Variants in SAXO1 observed in about 807,000 individuals in gnomAD.
The protein encoded by SAXO1 is stabilizer of axonemal microtubules 1, also known as 4930500O09Rik.
Under a neutral mutation model 17.5 loss-of-function variants are expected in SAXO1, and 21 were observed. The ratio of observed to expected loss-of-function variants is 1.20; its 90% confidence interval spans 0.85 to 1.72. The LOEUF is 1.72. Among genes scored for constraint, SAXO1 ranks in the 40% most tolerant of loss-of-function variants. The pLI is 0.00. For missense variants in SAXO1, 843 were observed against 596.0 expected (o/e 1.41, Z -4.32); for synonymous variants, 274 against 216.5 (o/e 1.27, Z -2.33).
rs142175675 is a variant in SAXO1 at position 19,008,243 on chromosome 9, G to T, written c.38+24628C>A. Among the ~76,000 whole-genome samples the T allele has an allele frequency of 4.9e-3, 744 of 152,256 alleles. 36 individuals are homozygous for T. In the East Asian group the frequency reaches 0.12, roughly 24 times the overall value. On this transcript the variant is annotated intron_variant, in intron 1 of 3. Coordinates refer to ENST00000380534, the MANE Select transcript of SAXO1 (RefSeq NM_153707.4). ...TCTGCCCACTTTGGCCTCTCAAAGT[G>T]CTGGGATTACAGGCCTGAGCCACCA...
intron 1 of SAXO1, among the ~76,000 whole-genome samples, chr9:19,043,374 C>T (rs887318081): frequency 6.6e-6 from 1 of 152,042 alleles, no homozygotes; most frequent in African/African-American, 2.4e-5. Context: ...ACACAGAGAG[C>T]AGAAGAATGG....
chr9:19,009,683 AC>A lies in SAXO1; in HGVS notation c.38+23187del, dbSNP rs559099570. 7.8e-4 allele frequency among the ~76,000 whole-genome samples: 119 copies of A among 152,302 alleles called. 2 individuals carry two copies. The Middle Eastern group carries it at 0.014, about 17-fold the overall frequency. ...TTCCCCAAGTGGAAGCACTCTGCCT[AC>A]TAAAACAGCTGTGAGAAATCCTGAC... is the stretch of plus-strand genomic sequence containing the variant. On this transcript the variant is annotated intron_variant, in intron 1 of 3. Coordinates refer to ENST00000380534, the MANE Select transcript of SAXO1 (RefSeq NM_153707.4).
Position 19,033,032 on chromosome 9 carries a change from TC to T in SAXO1, c.-125del, listed in dbSNP as rs1187734201. 3.8e-6 allele frequency: 4 copies of T among 1,044,642 alleles called. No homozygotes were observed. In the African/African-American group the frequency reaches 6.5e-5, roughly 17 times the overall value. 64.7% of individuals were successfully genotyped at this position (1,044,642 alleles called of 1,614,324 possible). ...GGGTCTTGGCAGGTGTTCTGTTTACTCGAAGGAAAATTTAAGTGGCCCTTTT... is the reference window on the plus strand; with the variant it reads ...GGGTCTTGGCAGGTGTTCTGTTTACTGAAGGAAAATTTAAGTGGCCCTTTT... On this transcript the variant is annotated 5_prime_UTR_variant, in exon 1 of 4. Coordinates refer to ENST00000380534, the MANE Select transcript of SAXO1 (RefSeq NM_153707.4).
intron 3 of SAXO1, among the ~76,000 whole-genome samples, chr9:18,937,690 C>T (rs1427941242): frequency 6.6e-6 from 1 of 152,032 alleles, no homozygotes; most frequent in African/African-American, 2.4e-5. Flanking sequence ...AGCCAAGGCC[C>T]TTTTTTCCTT....
At chr9:19,014,101 A>G (rs1012554294) in intron 1 of SAXO1, among the ~76,000 whole-genome samples, 2 of 152,162 alleles carry the variant, frequency 1.3e-5, no homozygotes, top group African/African-American at 4.8e-5. Context: ...CTGGAAAGGT[A>G]GAGTAGGGGC....
chr9:18,953,108 C>G (rs746016453), intron 1 of SAXO1, among the ~76,000 whole-genome samples: 6 of 152,162 alleles, frequency 3.9e-5, no homozygotes, highest in Non-Finnish European at 8.8e-5. Context: ...AACCTCAGAT[C>G]GAAAGCCAAG....
intron 3 of SAXO1, among the ~76,000 whole-genome samples, chr9:18,932,095 C>T (rs889892237): frequency 5.3e-5 from 8 of 152,202 alleles, no homozygotes; most frequent in African/African-American, 1.2e-4. Flanking sequence ...ATAAATCATG[C>T]TTTTGATGCC....
intron 1 of SAXO1, among the ~76,000 whole-genome samples, chr9:19,028,733 T>C (rs1383028962): frequency 6.6e-6 from 1 of 152,206 alleles, no homozygotes; most frequent in Non-Finnish European, 1.5e-5. Context: ...AGCCTTGAGC[T>C]TGACGCAGTA....
At chr9:19,033,510 C>T (rs1215462136), upstream of SAXO1, among the ~76,000 whole-genome samples, 2 of 152,238 alleles carry the variant, frequency 1.3e-5, no homozygotes, top group African/African-American at 2.4e-5. Context: ...CATGGTGCCC[C>T]CTCTTAGGGG....
intron 3 of SAXO1, among the ~76,000 whole-genome samples, chr9:18,937,153 G>T (rs961492988): frequency 1.3e-5 from 2 of 152,236 alleles, no homozygotes; most frequent in Non-Finnish European, 2.9e-5. Flanking sequence ...CACCCAAGGG[G>T]TGATACACCA....
At chr9:18,990,700 A>G (rs549980568) in intron 1 of SAXO1, among the ~76,000 whole-genome samples, 1 of 152,148 alleles carries the variant, frequency 6.6e-6, no homozygotes, top group African/African-American at 2.4e-5. Flanking sequence ...GCCACTCCCC[A>G]TTGCTCACAT....
In SAXO1 at chr9:18,965,916, G is replaced by A. The variant is rs574100824; in HGVS notation, c.39-14979C>T. ...CTTTCCATATTTAGTGCTTCCTTCAGGAGCTGTTGTAAGGCAGGGCTGGTA... is the reference window on the plus strand; with the variant it reads ...CTTTCCATATTTAGTGCTTCCTTCAAGAGCTGTTGTAAGGCAGGGCTGGTA... On this transcript the variant is annotated intron_variant, in intron 1 of 3. Coordinates refer to ENST00000380534, the MANE Select transcript of SAXO1 (RefSeq NM_153707.4). Among the ~76,000 whole-genome samples the A allele has an allele frequency of 9.9e-5, 15 of 152,284 alleles. No homozygotes were observed. In the South Asian group the frequency reaches 2.9e-3, roughly 29 times the overall value.
intron 1 of SAXO1, among the ~76,000 whole-genome samples, chr9:18,955,459 A>C (rs1832219374): frequency 6.6e-6 from 1 of 152,210 alleles, no homozygotes; most frequent in African/African-American, 2.4e-5. Flanking sequence ...GAAAGTGCAG[A>C]TCTAAAATTC....
At chr9:19,027,990 C>CGG in intron 1 of SAXO1, 2 of 1,580,700 alleles carry the variant, frequency 1.3e-6, no homozygotes, top group South Asian at 2.2e-5. Flanking sequence ...ATGACTTCAA[C>CGG]GGGGCCCAGT....
intron 1 of SAXO1, among the ~76,000 whole-genome samples, chr9:18,982,386 C>T (rs1458442378): frequency 1.3e-5 from 2 of 152,116 alleles, no homozygotes; most frequent in African/African-American, 4.8e-5. Flanking sequence ...CCGAGGGAGA[C>T]CAAATCTGGG....
chr9:18,987,792 A>C (rs1395533367), intron 1 of SAXO1, among the ~76,000 whole-genome samples: 1 of 151,902 alleles, frequency 6.6e-6, no homozygotes, highest in Non-Finnish European at 1.5e-5. Flanking sequence ...AGCTACTTGG[A>C]AGGCTGAGGT....
rs538217710 is a variant in SAXO1, at chr9:18,942,414, G to A, written c.219-575C>T. On this transcript the variant is annotated intron_variant, in intron 2 of 3. Coordinates refer to ENST00000380534, the MANE Select transcript of SAXO1 (RefSeq NM_153707.4). ...ACAATGCCACCGTTTCTACTGCTGCGCTCTCCACCTTCCTTCCACCCAACC... is the reference window on the plus strand; with the variant it reads ...ACAATGCCACCGTTTCTACTGCTGCACTCTCCACCTTCCTTCCACCCAACC... Among the ~76,000 whole-genome samples, 342 of 152,090 alleles carry A rather than the reference G, an allele frequency of 2.2e-3. 1 individual carries two copies. The highest frequency in any genetic ancestry group is 0.014 in the Middle Eastern group (4 of 294).
intron 1 of SAXO1, among the ~76,000 whole-genome samples, chr9:18,954,752 A>G (rs770752402): frequency 5.9e-5 from 9 of 152,184 alleles, no homozygotes; most frequent in Non-Finnish European, 1.3e-4. Context: ...TGAACCAGTC[A>G]TAGACATAGG....
intron 1 of SAXO1, among the ~76,000 whole-genome samples, chr9:18,975,001 T>C (rs754913770): frequency 6.6e-6 from 1 of 152,136 alleles, no homozygotes; most frequent in African/African-American, 2.4e-5. Context: ...GACCATATGA[T>C]CAAGGTTAGC....
Sources: allele counts gnomAD v4.1 joint callset (sites outside exome capture counted in the v4.1 genomes callset), GRCh38; gene constraint gnomAD v4.1.1; transcripts MANE v1.5; gene names NCBI Gene and HGNC (gene_info 2026-07-23, HGNC 2026-07-21).